Variants in ATG10 observed in about 807,000 individuals in gnomAD.
The protein encoded by ATG10 is ubiquitin-like-conjugating enzyme ATG10.
In ATG10, 30 loss-of-function variants were observed where a neutral mutation model predicts 32.1. That is an observed-to-expected ratio of 0.94 (90% CI 0.70 to 1.27). The LOEUF is 1.27. Among genes scored for constraint, ATG10 ranks in the 50% most tolerant of loss-of-function variants. The pLI, the probability that ATG10 is intolerant of heterozygous loss-of-function variation, is 0.00. For missense variants in ATG10, 233 were observed against 262.3 expected, an observed-to-expected ratio of 0.89 and a Z score of 0.77; for synonymous variants, 87 against 91.5, an observed-to-expected ratio of 0.95 and a Z score of 0.28.
rs2149653058 is a variant in ATG10, at chr5:81,978,835, G to C, written c.-13+6529G>C. The stretch of plus-strand genomic sequence containing the variant: ...AAAGGTCCAAGAAGTGAACAGGCCT[G>C]AAAGTTGAAGAAAGGTACTATAAAT... On this transcript the variant is annotated intron_variant, in intron 1 of 7. Coordinates refer to ENST00000282185, the MANE Select transcript of ATG10 (RefSeq NM_031482.5). 2.0e-5 allele frequency among the ~76,000 whole-genome samples: 3 copies of C among 152,154 alleles called. No homozygotes were observed. The South Asian group carries it at 6.2e-4, about 32-fold the overall frequency.
chr5:82,183,540 G>A (rs1195038146), intron 5 of ATG10, among the ~76,000 whole-genome samples: 2 of 152,220 alleles, frequency 1.3e-5, no homozygotes, highest in African/African-American at 4.8e-5. Context: ...TGGGTATGCC[G>A]TCGGGGGGAC....
At chr5:82,203,585 A>G (rs1045932252) in intron 5 of ATG10, among the ~76,000 whole-genome samples, 1 of 152,048 alleles carries the variant, frequency 6.6e-6, no homozygotes, top group Non-Finnish European at 1.5e-5. Flanking sequence ...TAAGTGCTAT[A>G]TATATTTTTT....
rs370600577 is a variant in ATG10 at position 82,101,412 on chromosome 5, T to C, written c.216+42810T>C. On this transcript the variant is annotated intron_variant, in intron 3 of 7. Coordinates refer to ENST00000282185, the MANE Select transcript of ATG10 (RefSeq NM_031482.5). ...AGGCTTTCCAGAATTCCCTTTCTAC[T>C]CATCTTTTTTGGCCACAACTTGGTC... Among the ~76,000 whole-genome samples, 20 of 152,280 alleles carry C rather than the reference T, an allele frequency of 1.3e-4. No individual in the cohort carries two copies. In the South Asian group the frequency reaches 4.1e-3, roughly 32 times the overall value.
At chr5:82,157,508 A>G (rs1443985691) in intron 3 of ATG10, among the ~76,000 whole-genome samples, 1 of 152,200 alleles carries the variant, frequency 6.6e-6, no homozygotes, top group Non-Finnish European at 1.5e-5. Flanking sequence ...CTGGGAATTA[A>G]GATAGTGAAA....
chr5:82,018,901 T>A (rs77182875), intron 2 of ATG10, among the ~76,000 whole-genome samples: 20,291 of 152,270 alleles, frequency 0.13, 1,821 homozygotes, highest in Non-Finnish European at 0.2. Context: ...TCTTCTTACA[T>A]ACTATTTAAT....
intron 3 of ATG10, among the ~76,000 whole-genome samples, chr5:82,061,124 T>C (rs1041688972): frequency 2.6e-5 from 4 of 152,208 alleles, no homozygotes; most frequent in African/African-American, 9.6e-5. Context: ...GTAGCTCTGG[T>C]AGGCATCCTT....
chr5:82,078,345 A>G (rs324903), intron 3 of ATG10: 150,048 of 152,298 alleles, frequency 0.99, 73,948 homozygotes, highest in Middle Eastern at 1. Flanking sequence ...AGACAAAGGC[A>G]CAATCATTCC....
intron 3 of ATG10, among the ~76,000 whole-genome samples, chr5:82,093,542 C>T (rs1764958168): frequency 1.3e-5 from 2 of 152,134 alleles, no homozygotes; most frequent in African/African-American, 2.4e-5. Flanking sequence ...GGTCTACCAC[C>T]TGTTTTTGTA....
intron 3 of ATG10, among the ~76,000 whole-genome samples, chr5:82,100,775 T>G (rs1765245057): frequency 3.9e-5 from 3 of 76,260 alleles, no homozygotes; most frequent in African/African-American, 1.3e-4. Context: ...AGAACTAGTT[T>G]TTTTTTTTTT....
At chr5:82,222,357 T>G (rs567592795) in intron 5 of ATG10, among the ~76,000 whole-genome samples, 1 of 152,228 alleles carries the variant, frequency 6.6e-6, no homozygotes, top group African/African-American at 2.4e-5. Context: ...TTTCCTCATC[T>G]GTGAAATGGT....
At chr5:82,038,360 T>C (rs1036484490) in intron 2 of ATG10, among the ~76,000 whole-genome samples, 1 of 152,226 alleles carries the variant, frequency 6.6e-6, no homozygotes, top group Non-Finnish European at 1.5e-5. Context: ...GGTGGCCCCA[T>C]AGTGTTTACT....
chr5:82,002,713 A>G (rs1761883606), intron 2 of ATG10, among the ~76,000 whole-genome samples: 2 of 152,212 alleles, frequency 1.3e-5, no homozygotes, highest in Non-Finnish European at 2.9e-5. Flanking sequence ...AACCTGGGTG[A>G]TGAAATAATC....
At chr5:82,030,759 C>T (rs1278862193) in intron 2 of ATG10, among the ~76,000 whole-genome samples, 3 of 152,182 alleles carry the variant, frequency 2.0e-5, no homozygotes, top group African/African-American at 7.2e-5. Context: ...TATATAATCC[C>T]TACGTGACAG....
chr5:82,234,002 G>A (rs1746462614), intron 5 of ATG10, among the ~76,000 whole-genome samples: 1 of 152,164 alleles, frequency 6.6e-6, no homozygotes, highest in Admixed American at 6.5e-5. Context: ...ACAAGAGGAA[G>A]CAAAAGGGAT....
At chr5:82,196,341 C>T (rs1280201346) in intron 5 of ATG10, among the ~76,000 whole-genome samples, 1 of 152,048 alleles carries the variant, frequency 6.6e-6, no homozygotes, top group Non-Finnish European at 1.5e-5. Context: ...TGTCTTTTCC[C>T]TCTCTTGATA....
intron 5 of ATG10, among the ~76,000 whole-genome samples, chr5:82,235,634 C>T (rs1381616723): frequency 1.3e-5 from 2 of 152,196 alleles, no homozygotes; most frequent in African/African-American, 4.8e-5. Flanking sequence ...TGCCCTTCTG[C>T]ACTTGCAGGG....
In ATG10 at chr5:82,242,792, T is replaced by TA. The variant is rs567783768; in HGVS notation, c.454-9769dup. On this transcript the variant is annotated intron_variant, in intron 5 of 7. Transcript: ENST00000282185. ...TCACAGGATTGGACAATTTACTACC[T>TA]ACAGATCTTCACCAAGAGGTGTTCA... The TA allele has an allele frequency of 1.3e-5, 6 of 447,410 alleles. No homozygotes were observed. In the Admixed American group the frequency reaches 1.5e-4, roughly 11 times the overall value. The allele number at this position is 447,410 out of a possible 1,614,324, so 27.7% of individuals were successfully genotyped here.
intron 3 of ATG10, chr5:82,078,518 A>G (rs1320659686): frequency 1.3e-5 from 2 of 152,212 alleles, no homozygotes; most frequent in African/African-American, 2.4e-5. Flanking sequence ...AATGTAGTGC[A>G]CTATGTCAAC....
At chr5:82,009,009 TA>T (rs1226188679) in intron 2 of ATG10, among the ~76,000 whole-genome samples, 1 of 152,240 alleles carries the variant, frequency 6.6e-6, no homozygotes, top group Non-Finnish European at 1.5e-5. Context: ...CGTATGAACC[TA>T]GAATGAGTTC....
Sources: allele counts gnomAD v4.1 joint callset (sites outside exome capture counted in the v4.1 genomes callset), GRCh38; gene constraint gnomAD v4.1.1; transcripts MANE v1.5; gene names NCBI Gene and HGNC (gene_info 2026-07-23, HGNC 2026-07-21).